The following AHI1 variants were observed in gnomAD, a reference collection of about 807,000 sequenced individuals.
AHI1 encodes the protein Abelson helper integration site 1, also known as jouberin.
Under a neutral mutation model 149.3 loss-of-function variants are expected in AHI1, and 123 were observed. That is an observed-to-expected ratio of 0.82 (90% CI 0.71 to 0.96). The LOEUF is 0.96. Among genes scored for constraint, AHI1 ranks in the 40% least tolerant of loss-of-function variants. The pLI is 0.00. For missense variants in AHI1, 1,439 were observed against 1,422.7 expected, an observed-to-expected ratio of 1.01 and a Z score of -0.18; for synonymous variants, 475 against 459.8, an observed-to-expected ratio of 1.03 and a Z score of -0.42.
intron 24 of AHI1, among the ~76,000 whole-genome samples, chr6:135,336,415 T>C (rs914327789): frequency 1.3e-5 from 2 of 151,928 alleles, no homozygotes; most frequent in Non-Finnish European, 2.9e-5. Context: ...CTAGACAACA[T>C]GGTGAAACCC....
intron 22 of AHI1, among the ~76,000 whole-genome samples, chr6:135,398,854 T>A (rs1321758015): frequency 6.6e-6 from 1 of 152,124 alleles, no homozygotes; most frequent in East Asian, 1.9e-4. Flanking sequence ...GATTCATCCC[T>A]CAGTCCCCTT....
At chr6:135,382,954 T>TGC (rs1777047803) in intron 23 of AHI1, among the ~76,000 whole-genome samples, 1 of 100,050 alleles carries the variant, frequency 1.0e-5, no homozygotes, top group Non-Finnish European at 1.8e-5. Flanking sequence ...TATATATATA[T>TGC]ACATATAAAA....
At chr6:135,304,874 G>A (rs569137876) in intron 26 of AHI1, among the ~76,000 whole-genome samples, 1 of 152,146 alleles carries the variant, frequency 6.6e-6, no homozygotes. Context: ...ATAATTAGGA[G>A]GGTGTTTTGG....
chr6:135,417,415 T>C (rs1782537728), intron 20 of AHI1, among the ~76,000 whole-genome samples: 1 of 151,972 alleles, frequency 6.6e-6, no homozygotes, highest in South Asian at 2.1e-4. Flanking sequence ...GTATTTTTCA[T>C]TTTACTCTTT....
At chr6:135,378,635 C>T (rs1457314210) in intron 23 of AHI1, among the ~76,000 whole-genome samples, 1 of 152,072 alleles carries the variant, frequency 6.6e-6, no homozygotes, top group Non-Finnish European at 1.5e-5. Flanking sequence ...CTGTCTTTAA[C>T]ATTATTTTAA....
chr6:135,366,598 C>T (rs1018141625), intron 23 of AHI1, among the ~76,000 whole-genome samples: 1 of 152,164 alleles, frequency 6.6e-6, no homozygotes, highest in Admixed American at 6.5e-5. Flanking sequence ...TAGTCTTGAA[C>T]AATCTTTTGT....
intron 23 of AHI1, among the ~76,000 whole-genome samples, chr6:135,372,463 G>T (rs1309056347): frequency 6.6e-6 from 1 of 150,996 alleles, no homozygotes; most frequent in East Asian, 1.9e-4. Flanking sequence ...AAGCCCGGGA[G>T]TCTGAGACTA....
chr6:135,346,422 G>A (rs1247257902), intron 24 of AHI1, among the ~76,000 whole-genome samples: 1 of 151,828 alleles, frequency 6.6e-6, no homozygotes, highest in African/African-American at 2.4e-5. Flanking sequence ...GGCTGGTCTC[G>A]ATCTCCTGAC....
At chr6:135,437,432 A>G (rs1014499398) in intron 15 of AHI1, among the ~76,000 whole-genome samples, 2 of 152,214 alleles carry the variant, frequency 1.3e-5, no homozygotes, top group African/African-American at 4.8e-5. Flanking sequence ...GTCAAAAAGG[A>G]GTAATAGTAG....
In AHI1 at chr6:135,453,118, C is replaced by G. The variant is rs1212761874; in HGVS notation, c.1440+223G>C. ...ATGGCTGTTTGTGTCTTTTTTAATGCTACATCCTCAGAACCAAATAGTGTA... is the reference window on the plus strand; with the variant it reads ...ATGGCTGTTTGTGTCTTTTTTAATGGTACATCCTCAGAACCAAATAGTGTA... On this transcript the variant is annotated intron_variant, in intron 11 of 28. Transcript: ENST00000265602. Among the ~76,000 whole-genome samples the G allele has an allele frequency of 3.3e-5, 5 of 152,186 alleles. No individual in the cohort carries two copies. The East Asian group carries it at 9.6e-4, about 29-fold the overall frequency.
At chr6:135,311,971 T>A (rs1201052379) in intron 26 of AHI1, among the ~76,000 whole-genome samples, 2 of 152,252 alleles carry the variant, frequency 1.3e-5, no homozygotes, top group East Asian at 3.9e-4. Context: ...ATGAACCAGA[T>A]GAAATGCTGG....
At chr6:135,341,200 C>T (rs115582108) in intron 24 of AHI1, among the ~76,000 whole-genome samples, 2 of 151,944 alleles carry the variant, frequency 1.3e-5, no homozygotes, top group Admixed American at 6.5e-5. Context: ...AATCCAATTA[C>T]AAGCTATGTA....
chr6:135,408,856 A>G (rs1472361441), intron 21 of AHI1, among the ~76,000 whole-genome samples: 1 of 152,176 alleles, frequency 6.6e-6, no homozygotes, highest in Non-Finnish European at 1.5e-5. Context: ...CAGGATGCTT[A>G]GGCTTCTTAC....
chr6:135,360,617 G>A (rs912675641), intron 23 of AHI1, among the ~76,000 whole-genome samples: 2 of 152,074 alleles, frequency 1.3e-5, no homozygotes, highest in Non-Finnish European at 1.5e-5. Context: ...GGAGAACCCT[G>A]ACTAGTAATA....
In AHI1 at chr6:135,492,997, G is replaced by A. The variant is rs1795470249; in HGVS notation, c.-54-706C>T. The A allele has an allele frequency of 9.4e-6, 9 of 960,708 alleles. No individual in the cohort carries two copies. In the African/African-American group the frequency reaches 1.4e-4, roughly 15 times the overall value. 59.5% of individuals were successfully genotyped at this position (960,708 alleles called of 1,614,324 possible). On this transcript the variant is annotated intron_variant, in intron 3 of 28. Transcript: ENST00000265602. ...ACTGAAGAGTGTTAAAAAAAAAGCT[G>A]GTTCAGGAATTATTGATTTGTTTGT...
At chr6:135,457,822 A>C in intron 8 of AHI1, 109 bp from the exon 9 acceptor site, 1 of 1,022,470 alleles carries the variant, frequency 9.8e-7, no homozygotes. Flanking sequence ...GTTCAAAGGA[A>C]CTTCAGGGGG....
chr6:135,435,121 T>A (rs1417451217), intron 15 of AHI1: 1 of 152,190 alleles, frequency 6.6e-6, no homozygotes, highest in East Asian at 1.9e-4. Flanking sequence ...TTCTCTTTCT[T>A]TGGACAACAG....
chr6:135,405,875 G>GAAAAAA (rs561001090), intron 21 of AHI1, among the ~76,000 whole-genome samples: 24 of 109,048 alleles, frequency 2.2e-4, no homozygotes, highest in Non-Finnish European at 3.2e-4. Flanking sequence ...AAAAAAAAAA[G>GAAAAAA]AAAAAAAAAA....
intron 13 of AHI1, among the ~76,000 whole-genome samples, chr6:135,446,526 G>A (rs1006775387): frequency 1.3e-5 from 2 of 152,150 alleles, no homozygotes; most frequent in African/African-American, 4.8e-5. Context: ...GAGGTAATTT[G>A]GTCCTGAGAG....
Sources: gnomAD v4.1 joint callset for allele counts (sites outside exome capture counted in the v4.1 genomes callset) on GRCh38, gnomAD v4.1.1 for gene constraint, MANE v1.5 for transcripts, NCBI Gene and HGNC (gene_info 2026-07-23, HGNC 2026-07-21) for gene names.